The following LGMN variants were observed in gnomAD, a reference collection of about 807,000 sequenced individuals.
The protein encoded by LGMN is legumain, also known as asparaginyl endopeptidase.
A neutral mutation model predicts 56.8 loss-of-function variants in LGMN; 36 were observed. The ratio of observed to expected loss-of-function variants is 0.63; its 90% CI spans 0.49 to 0.84. The LOEUF is 0.84. Among genes scored for constraint, LGMN ranks in the 40% least tolerant of loss-of-function variants. LGMN has a pLI of 0.00. For missense variants in LGMN, 446 were observed against 556.1 expected, an observed-to-expected ratio of 0.80 and a Z score of 1.99; for synonymous variants, 199 against 210.1, an observed-to-expected ratio of 0.95 and a Z score of 0.46.
chr14:92,709,564 C>T, intron 11 of LGMN, 108 bp downstream of exon 11: 1 of 909,798 alleles, frequency 1.1e-6, no homozygotes, highest in Non-Finnish European at 1.7e-6. Context: ...TTCTGTCCCC[C>T]CATACTCCTG....
chr14:92,722,152 CAG>C (rs1890507265), intron 2 of LGMN, among the ~76,000 whole-genome samples: 1 of 150,990 alleles, frequency 6.6e-6, no homozygotes, highest in Admixed American at 6.6e-5. Flanking sequence ...GTCCATCAGA[CAG>C]GGGACAAGGT....
chr14:92,728,061 G>A (rs1890832176), intron 2 of LGMN, among the ~76,000 whole-genome samples: 1 of 152,342 alleles, frequency 6.6e-6, no homozygotes, highest in South Asian at 2.1e-4. Flanking sequence ...TCTGAGAGAT[G>A]CTTCACGAGG....
At chr14:92,720,666 G>A (rs774499105) in intron 2 of LGMN, among the ~76,000 whole-genome samples, 9 of 152,112 alleles carry the variant, frequency 5.9e-5, no homozygotes, top group Non-Finnish European at 1.2e-4. Context: ...AAACTCTGTC[G>A]ATTGTTAGAT....
At chr14:92,746,626 T>C (rs1341428015) in intron 1 of LGMN, among the ~76,000 whole-genome samples, 1 of 152,210 alleles carries the variant, frequency 6.6e-6, no homozygotes, top group African/African-American at 2.4e-5. Context: ...CTACAGAGTA[T>C]CTGAGATACA....
chr14:92,710,652 T>G (rs998384057), intron 10 of LGMN, among the ~76,000 whole-genome samples: 1 of 152,226 alleles, frequency 6.6e-6, no homozygotes, highest in Non-Finnish European at 1.5e-5. Flanking sequence ...ACACAGAGTT[T>G]GGAGAAGATC....
chr14:92,713,748 G>C, intron 7 of LGMN, 75 bp downstream of exon 7: 2 of 990,234 alleles, frequency 2.0e-6, no homozygotes, highest in East Asian at 2.4e-5. Flanking sequence ...GGACGGTCAC[G>C]GGACTGTGGG....
At chr14:92,727,549 C>T (rs1890801361) in intron 2 of LGMN, among the ~76,000 whole-genome samples, 1 of 152,026 alleles carries the variant, frequency 6.6e-6, no homozygotes, top group African/African-American at 2.4e-5. Context: ...CTGGTACATG[C>T]ACTTGAAGGC....
chr14:92,715,301 C>T (rs577303511), intron 5 of LGMN, among the ~76,000 whole-genome samples: 1 of 152,168 alleles, frequency 6.6e-6, no homozygotes, highest in Admixed American at 6.5e-5. Context: ...TCACTGCAAC[C>T]TCCACCTCCT....
chr14:92,730,400 A>G (rs1890990642), intron 2 of LGMN, among the ~76,000 whole-genome samples: 1 of 152,360 alleles, frequency 6.6e-6, no homozygotes, highest in South Asian at 2.1e-4. Flanking sequence ...ACAAAATCAA[A>G]GAATGTATGA....
chr14:92,710,049 C>T (rs1330863540), intron 10 of LGMN, among the ~76,000 whole-genome samples, 177 bp from the exon 11 acceptor site: 1 of 152,158 alleles, frequency 6.6e-6, no homozygotes, highest in Non-Finnish European at 1.5e-5. Context: ...TTCAGGACCA[C>T]AGGGCCACAG....
chr14:92,708,320 C>T (rs141481449), intron 11 of LGMN, among the ~76,000 whole-genome samples: 7 of 152,070 alleles, frequency 4.6e-5, no homozygotes, highest in East Asian at 1.9e-4. Flanking sequence ...GAGGTTTGGC[C>T]GGGTGCAGTG....
At chr14:92,726,550 C>G (rs1270965565) in intron 2 of LGMN, among the ~76,000 whole-genome samples, 1 of 152,176 alleles carries the variant, frequency 6.6e-6, no homozygotes, top group South Asian at 2.1e-4. Flanking sequence ...GAGGAGCTCC[C>G]TGTTCTTGTC....
At chr14:92,720,434 G>A (rs1890398433) in intron 2 of LGMN, among the ~76,000 whole-genome samples, 2 of 152,218 alleles carry the variant, frequency 1.3e-5, no homozygotes, top group South Asian at 2.1e-4. Flanking sequence ...TTGGGAGGCT[G>A]AGGCGGGCGG....
At chr14:92,743,521 G>T (rs1446511138) in intron 1 of LGMN, among the ~76,000 whole-genome samples, 1 of 151,814 alleles carries the variant, frequency 6.6e-6, no homozygotes, top group Non-Finnish European at 1.5e-5. Flanking sequence ...AAAAATCCAG[G>T]CCTGGTGTGG....
intron 2 of LGMN, among the ~76,000 whole-genome samples, chr14:92,723,049 A>T (rs1890559775): frequency 6.9e-6 from 1 of 145,824 alleles, no homozygotes; most frequent in South Asian, 2.2e-4. Context: ...ACAAGTCTAA[A>T]TTTTTTTTTT....
intron 2 of LGMN, among the ~76,000 whole-genome samples, chr14:92,728,841 C>T (rs1015033): frequency 0.59 from 89,324 of 151,888 alleles, 27,369 homozygotes; most frequent in East Asian, 0.85. Context: ...GTGCCTTAGC[C>T]CCACCCCCAC....
intron 12 of LGMN, 59 bp from the exon 13 acceptor site, chr14:92,704,766 A>T (rs1198118490): frequency 7.1e-7 from 1 of 1,404,166 alleles, no homozygotes. Flanking sequence ...AATCCACTCC[A>T]CTTTTGCAAT....
intron 5 of LGMN, 38 bp downstream of exon 5, chr14:92,716,098 C>A: frequency 7.2e-7 from 1 of 1,384,338 alleles, no homozygotes; most frequent in Non-Finnish European, 1.0e-6. Flanking sequence ...GGGTCCCAAG[C>A]CATTGAGAGA....
At chr14:92,715,919 C>A in intron 5 of LGMN, 1 of 364,204 alleles carries the variant, frequency 2.7e-6, no homozygotes, top group Non-Finnish European at 5.0e-6. Context: ...AATGAGGGGC[C>A]CTGGATCATA....
Sources: gnomAD v4.1 joint callset for allele counts (sites outside exome capture counted in the v4.1 genomes callset) on GRCh38, gnomAD v4.1.1 for gene constraint, MANE v1.5 for transcripts, NCBI Gene and HGNC (gene_info 2026-07-23, HGNC 2026-07-21) for gene names.